Variants in ITGA11 observed in about 807,000 individuals in gnomAD.
The protein encoded by ITGA11 is integrin alpha-11.
ITGA11 carries 97 observed loss-of-function variants against 141.9 expected under a neutral mutation model. The ratio of observed to expected loss-of-function variants is 0.68; its 90% CI spans 0.58 to 0.81. The LOEUF (loss-of-function observed/expected upper bound fraction) is 0.81. Among genes scored for constraint, ITGA11 ranks in the 30% least tolerant of loss-of-function variants. The probability of loss-of-function intolerance (pLI) is 0.00; values close to 1 mark genes in which losing one functional copy is unlikely to be tolerated. For missense variants in ITGA11, 1,387 were observed against 1,559.2 expected, an observed-to-expected ratio of 0.89 and a Z score of 1.86; for synonymous variants, 658 against 624.6, an observed-to-expected ratio of 1.05 and a Z score of -0.80.
In ITGA11 at chr15:68,325,642, T is replaced by G. The variant is rs1316094043; in HGVS notation, c.2212-401A>C. 1.3e-5 allele frequency among the ~76,000 whole-genome samples: 2 copies of G among 152,174 alleles called. No homozygotes were observed. The highest frequency in any genetic ancestry group is 2.9e-5 in the Non-Finnish European group (2 of 68,022). On this transcript the variant is annotated intron_variant, in intron 17 of 29. Coordinates refer to ENST00000315757, the MANE Select transcript of ITGA11 (RefSeq NM_001004439.2). The surrounding 1 kb of genome is among the most constrained non-coding windows in gnomAD (Gnocchi z 5.5). ...AGCATTTGAACCATATGACTGTGTG[T>G]CACTCTTCCTTCCCAAGCAAGGAAT...
chr15:68,346,554 A>G (rs2140325059), intron 10 of ITGA11, among the ~76,000 whole-genome samples: 1 of 152,328 alleles, frequency 6.6e-6, no homozygotes, highest in East Asian at 1.9e-4. Context: ...TCTGACACAC[A>G]TGAAGATACT....
At chr15:68,408,011 TC>T (rs1215499212) in intron 1 of ITGA11, among the ~76,000 whole-genome samples, 5 of 152,194 alleles carry the variant, frequency 3.3e-5, no homozygotes, top group African/African-American at 1.2e-4. Context: ...CCATATAGCT[TC>T]CCAGGGATCT....
At chr15:68,427,758 A>C (rs1055160605) in intron 1 of ITGA11, among the ~76,000 whole-genome samples, 2 of 152,202 alleles carry the variant, frequency 1.3e-5, no homozygotes, top group African/African-American at 4.8e-5. Context: ...TAGGATCTGC[A>C]TGATGGGGTT....
chr15:68,369,200 G>C lies in ITGA11; in HGVS notation c.249C>G (p.Cys83Trp). The change falls in exon 3 of 30, where the codon TGC becomes TGG. Residue 83 changes from cysteine to tryptophan, a missense_variant. Cys to Trp is a radical substitution (Grantham distance 215). Coordinates refer to ENST00000315757, the MANE Select transcript of ITGA11 (RefSeq NM_001004439.2). ...VYKCPVIHGN[C>W]TKLNLGRVTL... is the part of the protein sequence containing the mutation. ...CCACGTTACCCAGGTTGAGTTTGGTGCAGTTCCCGTGGATCACTGGACACT... is the reference window on the plus strand; with the variant it reads ...CCACGTTACCCAGGTTGAGTTTGGTCCAGTTCCCGTGGATCACTGGACACT... 1.2e-6 allele frequency: 2 copies of C among 1,613,584 alleles called. No homozygotes were observed. Among genetic ancestry groups the C allele is most frequent in the Non-Finnish European group, 1.7e-6 (2 of 1,179,518 alleles).
chr15:68,383,187 C>T (rs1045612912), intron 2 of ITGA11, among the ~76,000 whole-genome samples: 24 of 151,760 alleles, frequency 1.6e-4, no homozygotes, highest in African/African-American at 4.6e-4. Flanking sequence ...AGGAGAATGG[C>T]GTGAACTCGG....
At chr15:68,391,468 T>C (rs1896120524) in intron 2 of ITGA11, among the ~76,000 whole-genome samples, 1 of 152,220 alleles carries the variant, frequency 6.6e-6, no homozygotes, top group Non-Finnish European at 1.5e-5. Context: ...GCACAGTGAT[T>C]TCTCCTTTCA....
At chr15:68,351,743 T>C (rs1323703524) in intron 7 of ITGA11, among the ~76,000 whole-genome samples, 1 of 150,172 alleles carries the variant, frequency 6.7e-6, no homozygotes, top group Non-Finnish European at 1.5e-5. Context: ...ATTAAGTCAG[T>C]GGTTCACAAC....
intron 12 of ITGA11, among the ~76,000 whole-genome samples, chr15:68,332,974 AAAC>A (rs1490806108): frequency 1.3e-5 from 2 of 152,242 alleles, no homozygotes; most frequent in Middle Eastern, 3.2e-3. Flanking sequence ...TTTTTAAATA[AAAC>A]AATACATCAT....
At position 68,303,611 on chromosome 15, in the gene ITGA11, T is replaced by A. The variant is rs2140258995; in HGVS notation, c.3495+161A>T. 6.6e-6 allele frequency among the ~76,000 whole-genome samples: 1 copy of A among 152,120 alleles called. No homozygotes were observed. ...AAACAGGTTAGAGCCATAGTCTGAG[T>A]GCCGTCTGTTGGCCCTAACCAGTGT... On this transcript the variant is annotated intron_variant, in intron 29 of 29. Transcript: ENST00000315757. This position sits in a 1 kb window ranked among gnomAD's most constrained non-coding sequence, Gnocchi z 5.3.
intron 1 of ITGA11, among the ~76,000 whole-genome samples, chr15:68,418,945 C>T (rs1386221709): frequency 6.6e-6 from 1 of 151,948 alleles, no homozygotes; most frequent in East Asian, 1.9e-4. Context: ...CAGGGCTTTC[C>T]CTCAGACGAG....
chr15:68,306,138 C>T (rs749527126), intron 28 of ITGA11, among the ~76,000 whole-genome samples: 9 of 149,150 alleles, frequency 6.0e-5, no homozygotes, highest in Non-Finnish European at 1.0e-4. Context: ...GGCAGTGAGC[C>T]GAGATCCTGC....
Position 68,307,342 on chromosome 15 carries a change from G to T in ITGA11, c.3381+6C>A. ...GCCCAGTTCTGCAGGGCTCCCAGGG[G>T]CTCACCTGGCGGCTGGGATCCTCCT... On this transcript the variant is annotated splice_donor_region_variant and intron_variant, in intron 28 of 29. Transcript: ENST00000315757. The surrounding 1 kb of genome is among the most constrained non-coding windows in gnomAD (Gnocchi z 6.1). 2.6e-6 allele frequency: 4 copies of T among 1,551,138 alleles called. No homozygotes were observed. Among genetic ancestry groups the T allele is most frequent in the Non-Finnish European group, 3.5e-6 (4 of 1,145,710 alleles).
In ITGA11 at chr15:68,298,817, A is replaced by C. The variant is rs1196011877; in HGVS notation, c.*4242T>G. ...AGTTGTTGCACATCTTTTTTAATGC[A>C]GGGCCAGGGAGATAATCCAGGAGTT... On this transcript the variant is annotated 3_prime_UTR_variant, in exon 30 of 30. Coordinates refer to ENST00000315757, the MANE Select transcript of ITGA11 (RefSeq NM_001004439.2). The C allele has an allele frequency of 6.6e-6, 1 of 152,148 alleles. No homozygotes were observed. Among genetic ancestry groups the C allele is most frequent in the Non-Finnish European group, 1.5e-5 (1 of 68,034 alleles). 9.4% of individuals were successfully genotyped at this position (152,148 alleles called of 1,614,324 possible).
chr15:68,412,030 C>T (rs1440453898), intron 1 of ITGA11, among the ~76,000 whole-genome samples: 1 of 152,100 alleles, frequency 6.6e-6, no homozygotes, highest in Non-Finnish European at 1.5e-5. Flanking sequence ...TTAGCTTGGA[C>T]CAGTTCACTC....
Position 68,350,875 on chromosome 15 carries a change from G to A in ITGA11, c.895-93C>T, listed in dbSNP as rs1485398964. Reference sequence around the variant, plus strand: ...CCTAGACCCTGGGGACCCCAGGGTGGGCTGGAGCCAGGGCCGGTAGCCATG... The same window carrying A: ...CCTAGACCCTGGGGACCCCAGGGTGAGCTGGAGCCAGGGCCGGTAGCCATG... On this transcript the variant is annotated intron_variant, in intron 8 of 29. Coordinates refer to ENST00000315757, the MANE Select transcript of ITGA11 (RefSeq NM_001004439.2). 2.3e-6 allele frequency: 3 copies of A among 1,319,570 alleles called. No homozygotes were observed. The African/African-American group carries it at 4.4e-5, about 20-fold the overall frequency. 81.7% of individuals were successfully genotyped at this position (1,319,570 alleles called of 1,614,324 possible).
Position 68,298,835 on chromosome 15 carries a change from C to T in ITGA11, c.*4224G>A, listed in dbSNP as rs780157323. 6 of 152,032 alleles carry T rather than the reference C, an allele frequency of 3.9e-5. No homozygotes were observed. Among genetic ancestry groups the T allele is most frequent in the Non-Finnish European group, 7.3e-5 (5 of 68,096 alleles). 9.4% of individuals were successfully genotyped at this position (152,032 alleles called of 1,614,324 possible). The stretch of plus-strand genomic sequence containing the variant: ...TTAATGCAGGGCCAGGGAGATAATC[C>T]AGGAGTTTGAGACCAGCCTGGGCAA... On this transcript the variant is annotated 3_prime_UTR_variant, in exon 30 of 30. Coordinates refer to ENST00000315757, the MANE Select transcript of ITGA11 (RefSeq NM_001004439.2).
chr15:68,384,993 T>C lies in ITGA11; in HGVS notation c.165-15709A>G, dbSNP rs114668682. ...CCTCAAAACCTGTCCCTGGACACCA[T>C]ACCCTTTCTCCAGGGCATAGGCCAG... On this transcript the variant is annotated intron_variant, in intron 2 of 29. Transcript: ENST00000315757. Among the ~76,000 whole-genome samples the C allele has an allele frequency of 5.2e-3, 794 of 152,346 alleles. 7 individuals carry two copies. The highest frequency in any genetic ancestry group is 0.018 in the African/African-American group (768 of 41,586).
At position 68,324,146 on chromosome 15, in the gene ITGA11, G is replaced by A. The variant is rs947433825; in HGVS notation, c.2322+985C>T. Among the ~76,000 whole-genome samples the A allele has an allele frequency of 6.6e-6, 1 of 152,012 alleles. No individual in the cohort carries two copies. The highest frequency in any genetic ancestry group is 6.5e-5 in the Admixed American group (1 of 15,268). On this transcript the variant is annotated intron_variant, in intron 18 of 29. Transcript: ENST00000315757. The surrounding 1 kb of genome is among the most constrained non-coding windows in gnomAD (Gnocchi z 6.3). The stretch of plus-strand genomic sequence containing the variant: ...CTCAGACTTAGGAGAAAGAGGGGAG[G>A]TGTGAGGACGGAGGTTTGGCAGGGG...
At chr15:68,425,546 C>A (rs979920939) in intron 1 of ITGA11, among the ~76,000 whole-genome samples, 3 of 152,154 alleles carry the variant, frequency 2.0e-5, no homozygotes, top group African/African-American at 7.2e-5. Context: ...TGCTTTGTAC[C>A]CTTCTGCCTG....
Sources: allele counts gnomAD v4.1 joint callset (sites outside exome capture counted in the v4.1 genomes callset), GRCh38; gene constraint gnomAD v4.1.1; non-coding constraint Gnocchi (gnomAD v3.1); transcripts MANE v1.5; gene names NCBI Gene and HGNC (gene_info 2026-07-23, HGNC 2026-07-21).